The following ECPAS variants were observed in gnomAD, a reference collection of about 807,000 sequenced individuals.
The protein encoded by ECPAS is proteasome adapter and scaffold protein ECM29.
In ECPAS, 70 loss-of-function variants were observed where a neutral mutation model predicts 255.1. The ratio of observed to expected loss-of-function variants is 0.27; its 90% CI spans 0.23 to 0.33. The LOEUF is 0.33. Ranked by LOEUF, ECPAS falls within the 10% of genes least tolerant of loss-of-function variation. The pLI is 1.00. For missense variants in ECPAS, 1,817 were observed against 2,206.4 expected, an observed-to-expected ratio of 0.82 and a Z score of 3.54; for synonymous variants, 784 against 775.0, an observed-to-expected ratio of 1.01 and a Z score of -0.19.
chr9:111,371,470 G>A, intron 43 of ECPAS, 151 bp downstream of exon 43: 1 of 742,988 alleles, frequency 1.3e-6, no homozygotes, highest in Non-Finnish European at 2.3e-6. Context: ...CAGTTAATCA[G>A]GCAAGGTTTA....
At chr9:111,395,945 C>T (rs2098166966) in intron 25 of ECPAS, among the ~76,000 whole-genome samples, 1 of 152,196 alleles carries the variant, frequency 6.6e-6, no homozygotes, top group Admixed American at 6.5e-5. Context: ...ACTCTCATTA[C>T]AGTGCAAGCA....
chr9:111,428,797 T>A (rs552452908), intron 9 of ECPAS, among the ~76,000 whole-genome samples: 63 of 152,330 alleles, frequency 4.1e-4, no homozygotes, highest in African/African-American at 1.3e-3. Flanking sequence ...ACCATATCAA[T>A]GAACTTTTGT....
intron 2 of ECPAS, among the ~76,000 whole-genome samples, chr9:111,462,261 T>C (rs767893312): frequency 1.3e-5 from 2 of 152,034 alleles, no homozygotes; most frequent in Non-Finnish European, 2.9e-5. Flanking sequence ...TCCCAAAGAG[T>C]AGTTTATAAC....
upstream of ECPAS, chr9:111,484,383 CAG>C (rs2098312132): frequency 6.2e-7 from 1 of 1,611,738 alleles, no homozygotes; most frequent in South Asian, 1.1e-5. Flanking sequence ...GACGTGGACT[CAG>C]AAAAGTAGAG....
At chr9:111,458,270 C>T (rs2098269250) in intron 2 of ECPAS, among the ~76,000 whole-genome samples, 1 of 152,116 alleles carries the variant, frequency 6.6e-6, no homozygotes, top group South Asian at 2.1e-4. Context: ...CTATTAGGAA[C>T]AGCATAAGAT....
chr9:111,389,006 G>C (rs908941759), intron 31 of ECPAS, among the ~76,000 whole-genome samples: 1 of 152,206 alleles, frequency 6.6e-6, no homozygotes, highest in Middle Eastern at 3.2e-3. Flanking sequence ...AAAGTGTAAG[G>C]TTGGGAACTT....
At chr9:111,448,127 AT>A (rs1317421503) in intron 3 of ECPAS, among the ~76,000 whole-genome samples, 5 of 152,236 alleles carry the variant, frequency 3.3e-5, no homozygotes, top group African/African-American at 1.2e-4. Flanking sequence ...ATGTATCAAA[AT>A]ATCACATGTA....
chr9:111,483,409 G>T, intron 1 of ECPAS: 1 of 521,148 alleles, frequency 1.9e-6, no homozygotes, highest in Non-Finnish European at 2.4e-6. Context: ...CCCGCCCACC[G>T]GGCCTGGCGC....
rs532595688 is a variant in ECPAS at position 111,414,691 on chromosome 9, G to A, written c.1765-40C>T. ...GAGAGGAAGACTGCATAAGCTTCTC[G>A]AAAAGTCAGTGTGGGAAGGTACTCT... On this transcript the variant is annotated intron_variant, in intron 18 of 49. Transcript: ENST00000684092. The A allele has an allele frequency of 3.5e-5, 54 of 1,550,284 alleles. No homozygotes were observed. In the African/African-American group the frequency reaches 3.8e-4, roughly 11 times the overall value.
intron 32 of ECPAS, 134 bp from the exon 33 acceptor site, chr9:111,385,576 C>T (rs2098147016): frequency 4.7e-6 from 3 of 643,556 alleles, no homozygotes; most frequent in South Asian, 3.7e-5. Context: ...ACAGCAATGA[C>T]TTCTCTCCAG....
Position 111,430,592 on chromosome 9 carries a change from C to T in ECPAS, c.885G>A (p.Lys295=). ...IDWNNPAIIN[K]MYKVYLGDIP... ...TATCTCCAAGGTACACCTTGTACAT[C>T]TTATTAATGATGGCAGGATTATTCC... is the stretch of plus-strand genomic sequence containing the variant. Residue 295 remains lysine, a synonymous_variant, in exon 9 of 50, where the codon AAG becomes AAA. Transcript: ENST00000684092. 1 of 1,599,686 alleles carries T rather than the reference C, an allele frequency of 6.3e-7. No individual in the cohort carries two copies. The highest frequency in any genetic ancestry group is 1.7e-5 in the Admixed American group (1 of 58,294).
intron 1 of ECPAS, among the ~76,000 whole-genome samples, chr9:111,475,288 C>T (rs1418990571): frequency 6.6e-6 from 1 of 152,218 alleles, no homozygotes; most frequent in African/African-American, 2.4e-5. Context: ...GAAACGAGAG[C>T]TCAGCAACAG....
At position 111,366,299 on chromosome 9, in the gene ECPAS, C is replaced by T. The variant is rs574744422; in HGVS notation, c.5248G>A (p.Asp1750Asn). The T allele has an allele frequency of 5.1e-6, 8 of 1,577,976 alleles. No individual in the cohort carries two copies. Among genetic ancestry groups the T allele is most frequent in the Admixed American group, 3.7e-5 (2 of 54,682 alleles). The change falls in exon 48 of 50, where the codon GAT (aspartate) becomes AAT (asparagine). Residue 1750 changes from aspartate to asparagine, a missense_variant. By Grantham distance (23) the Asp-to-Asn change is conservative (BLOSUM62 1). Around this residue, in one of 4 missense-constraint regions of ECPAS, gnomAD observed 960 missense variants for 1,179.0 expected, o/e 0.81. Transcript: ENST00000684092. ...AGAATTTCAGCCAAAGCCTCAGGAT[C>T]GGCATGTTCTTCTTCCAAAAGCATT... ...GLMLLEEEHA[D>N]PEALAEILLE...
intron 1 of ECPAS, among the ~76,000 whole-genome samples, chr9:111,473,916 G>A (rs569095756): frequency 2.6e-5 from 4 of 152,166 alleles, no homozygotes; most frequent in South Asian, 2.1e-4. Context: ...GCAGTGAGCC[G>A]AAATCACACC....
intron 28 of ECPAS, among the ~76,000 whole-genome samples, chr9:111,392,201 C>T (rs1414038840): frequency 6.6e-6 from 1 of 152,208 alleles, no homozygotes; most frequent in Non-Finnish European, 1.5e-5. Context: ...CATCGTGCCA[C>T]TGCACTCCAG....
intron 3 of ECPAS, among the ~76,000 whole-genome samples, chr9:111,446,210 G>C (rs1476229416): frequency 6.6e-6 from 1 of 152,154 alleles, no homozygotes; most frequent in Non-Finnish European, 1.5e-5. Flanking sequence ...CTTTAAGTGG[G>C]AAAAGAGAGC....
intron 2 of ECPAS, among the ~76,000 whole-genome samples, chr9:111,470,104 C>G (rs978432494): frequency 1.3e-5 from 2 of 152,246 alleles, no homozygotes; most frequent in African/African-American, 4.8e-5. Flanking sequence ...AAGTCCTGAG[C>G]AGGAGGTCCC....
intron 35 of ECPAS, among the ~76,000 whole-genome samples, chr9:111,379,363 T>G (rs535914626): frequency 6.6e-6 from 1 of 152,246 alleles, no homozygotes; most frequent in Non-Finnish European, 1.5e-5. Context: ...AAGTGTGCAA[T>G]AGCATTATGT....
intron 3 of ECPAS, among the ~76,000 whole-genome samples, chr9:111,448,311 G>C (rs977655966): frequency 2.0e-5 from 3 of 151,928 alleles, no homozygotes; most frequent in Non-Finnish European, 2.9e-5. Context: ...AAAATTGCAG[G>C]CTGGGGCAAA....
Sources: gnomAD v4.1 joint callset for allele counts (sites outside exome capture counted in the v4.1 genomes callset) on GRCh38, gnomAD v4.1.1 for gene constraint, gnomAD v4.1.1 regional missense constraint, MANE v1.5 for transcripts, NCBI Gene and HGNC (gene_info 2026-07-23, HGNC 2026-07-21) for gene names.